The following ZFAT variants were observed in gnomAD, a reference collection of about 807,000 sequenced individuals.
ZFAT encodes zinc finger and AT-hook domain containing.
ZFAT carries 64 observed loss-of-function variants against 117.7 expected under a neutral mutation model. The ratio of observed to expected loss-of-function variants is 0.54; its 90% CI spans 0.44 to 0.67. The LOEUF (loss-of-function observed/expected upper bound fraction) is 0.67. ZFAT is among the 30% of genes least tolerant of loss of function. The pLI is 0.00. For synonymous variants in ZFAT, 679 were observed against 615.0 expected (o/e 1.10, Z -1.54); for missense variants, 1,433 against 1,584.5 (o/e 0.90, Z 1.62).
intron 11 of ZFAT, among the ~76,000 whole-genome samples, chr8:134,536,676 A>G (rs1821865118): frequency 6.6e-6 from 1 of 152,238 alleles, no homozygotes; most frequent in South Asian, 2.1e-4. Context: ...TTTATGAAGC[A>G]TATATTTACT....
intron 1 of ZFAT, among the ~76,000 whole-genome samples, chr8:134,694,187 A>T (rs977648920): frequency 1.3e-5 from 2 of 152,158 alleles, no homozygotes; most frequent in African/African-American, 4.8e-5. Flanking sequence ...AAGACGCTGG[A>T]ATGAGGCACG....
the ZFAT span, among the ~76,000 whole-genome samples, chr8:134,780,268 G>A: frequency 6.6e-6 from 1 of 152,152 alleles, no homozygotes; most frequent in Non-Finnish European, 1.5e-5. Context: ...ATGGTTGCTA[G>A]AGGCAACCAG....
intron 3 of ZFAT, among the ~76,000 whole-genome samples, chr8:134,629,205 G>C (rs1010422336): frequency 6.6e-6 from 1 of 152,146 alleles, no homozygotes; most frequent in African/African-American, 2.4e-5. Context: ...AATAGAGGAG[G>C]ATCATCAGTT....
At chr8:134,565,473 T>C (rs1824380833) in intron 10 of ZFAT, 52 bp from the exon 11 acceptor site, 1 of 1,551,940 alleles carries the variant, frequency 6.4e-7, no homozygotes, top group Non-Finnish European at 8.8e-7. Flanking sequence ...CAGCTCCCAC[T>C]GTGAATGAAG....
At chr8:134,720,045 T>C in the ZFAT span, among the ~76,000 whole-genome samples, 2 of 152,340 alleles carry the variant, frequency 1.3e-5, no homozygotes, top group East Asian at 3.9e-4. Context: ...ACTGGGTCTT[T>C]GGAACGCCGC....
At chr8:134,715,357 C>T (rs1020674823), upstream of ZFAT, among the ~76,000 whole-genome samples, 6 of 152,196 alleles carry the variant, frequency 3.9e-5, no homozygotes, top group African/African-American at 1.2e-4. Context: ...TTTTCTTCCT[C>T]CTACCCATTC....
chr8:134,760,296 A>AAAAAAAAAAAAAAAC, the ZFAT span, among the ~76,000 whole-genome samples: 1 of 147,558 alleles, frequency 6.8e-6, no homozygotes. Flanking sequence ...AAACAAACAA[A>AAAAAAAAAAAAAAAC]AAACAAACAA....
At chr8:134,548,764 G>A (rs1258000396) in intron 11 of ZFAT, among the ~76,000 whole-genome samples, 2 of 152,124 alleles carry the variant, frequency 1.3e-5, no homozygotes, top group African/African-American at 2.4e-5. Flanking sequence ...ATGTTCTAGA[G>A]GGCACACCAT....
At chr8:134,709,357 G>C (rs1311152480) in intron 1 of ZFAT, among the ~76,000 whole-genome samples, 1 of 152,236 alleles carries the variant, frequency 6.6e-6, no homozygotes. Flanking sequence ...TGGCAGGACT[G>C]TGTCTCCTTT....
chr8:134,702,704 C>G (rs576674582), intron 1 of ZFAT, among the ~76,000 whole-genome samples: 1 of 150,892 alleles, frequency 6.6e-6, no homozygotes, highest in Non-Finnish European at 1.5e-5. Context: ...CAGAGTCTCA[C>G]GCTGTCGCCC....
the ZFAT span, among the ~76,000 whole-genome samples, chr8:134,733,837 A>C: frequency 2.0e-5 from 3 of 152,216 alleles, no homozygotes; most frequent in Non-Finnish European, 4.4e-5. Flanking sequence ...CCATCATCCA[A>C]GACTGCCCTG....
intron 12 of ZFAT, among the ~76,000 whole-genome samples, chr8:134,522,103 C>T (rs940386921): frequency 6.6e-6 from 1 of 152,252 alleles, no homozygotes; most frequent in African/African-American, 2.4e-5. Flanking sequence ...TGTTCTTTCC[C>T]TGTCTTTCTT....
intron 2 of ZFAT, among the ~76,000 whole-genome samples, chr8:134,639,196 G>T (rs145326616): frequency 6.6e-6 from 1 of 152,320 alleles, no homozygotes; most frequent in East Asian, 1.9e-4. Context: ...AGAGTCTGCA[G>T]GGACACAACA....
the ZFAT span, among the ~76,000 whole-genome samples, chr8:134,743,104 G>A: frequency 1.3e-5 from 2 of 152,248 alleles, no homozygotes; most frequent in South Asian, 4.1e-4. Context: ...GAAACACGTG[G>A]TGAAACCATC....
intron 12 of ZFAT, among the ~76,000 whole-genome samples, chr8:134,528,149 A>C (rs1821153465): frequency 6.6e-6 from 1 of 152,156 alleles, no homozygotes; most frequent in Middle Eastern, 3.2e-3. Context: ...GACATCAAAC[A>C]TGGGAGTGGC....
intron 12 of ZFAT, among the ~76,000 whole-genome samples, chr8:134,528,394 C>A (rs1821167364): frequency 1.3e-5 from 2 of 152,050 alleles, no homozygotes; most frequent in African/African-American, 4.8e-5. Flanking sequence ...GAATCTGGGC[C>A]CTAATAAAAA....
chr8:134,747,823 T>G, the ZFAT span, among the ~76,000 whole-genome samples: 4 of 152,230 alleles, frequency 2.6e-5, no homozygotes, highest in Admixed American at 2.6e-4. Context: ...ATCATCATAT[T>G]ACCGAGGAGA....
At chr8:134,655,796 T>C (rs1317268199) in intron 2 of ZFAT, among the ~76,000 whole-genome samples, 3 of 152,240 alleles carry the variant, frequency 2.0e-5, no homozygotes, top group South Asian at 2.1e-4. Context: ...GGCTTCGATC[T>C]GCCATATGAA....
chr8:134,753,198 C>G, the ZFAT span, among the ~76,000 whole-genome samples: 3 of 151,334 alleles, frequency 2.0e-5, no homozygotes, highest in Admixed American at 6.6e-5. Flanking sequence ...GAGTCCCTGT[C>G]TCTAAAAAAA....
Sources: allele counts gnomAD v4.1 joint callset (sites outside exome capture counted in the v4.1 genomes callset), GRCh38; gene constraint gnomAD v4.1.1; transcripts MANE v1.5; gene names NCBI Gene and HGNC (gene_info 2026-07-23, HGNC 2026-07-21).